The following NUP43 variants were observed in gnomAD, a reference collection of about 807,000 sequenced individuals.
NUP43 encodes nucleoporin Nup43.
A neutral mutation model predicts 47.3 loss-of-function variants in NUP43; 32 were observed. That is an observed-to-expected ratio of 0.68 (90% confidence interval 0.51 to 0.91). The LOEUF (loss-of-function observed/expected upper bound fraction) is 0.91. NUP43 is among the 40% of genes least tolerant of loss of function. NUP43 has a pLI of 0.00. For missense variants in NUP43, 444 were observed against 453.9 expected (o/e 0.98, Z 0.20); for synonymous variants, 147 against 158.4 (o/e 0.93, Z 0.54).
At position 149,738,818 on chromosome 6, in the gene NUP43, CCTTT is replaced by C. The variant is rs1014460508; in HGVS notation, c.503-44_503-41del. The stretch of plus-strand genomic sequence containing the variant: ...AATGGTAGTATGTGTTAATGAGTCC[CCTTT>C]TTTTCCCAAGAAAATCTTAAATCAC... On this transcript the variant is annotated intron_variant, in intron 4 of 7. Transcript: ENST00000340413. 5.4e-6 allele frequency: 7 copies of C among 1,292,740 alleles called. No homozygotes were observed. In the African/African-American group the frequency reaches 6.1e-5, roughly 11 times the overall value. 80.1% of individuals were successfully genotyped at this position (1,292,740 alleles called of 1,614,324 possible). A position where few individuals can be genotyped will look rare whatever the true frequency, so the allele number is the denominator to read the frequency against.
At chr6:149,747,735 T>C (rs1318280317), upstream of NUP43, among the ~76,000 whole-genome samples, 1 of 152,250 alleles carries the variant, frequency 6.6e-6, no homozygotes, top group African/African-American at 2.4e-5. Context: ...ACTATAGGTA[T>C]TCATAACTGT....
chr6:149,745,531 G>A (rs968699961), intron 2 of NUP43, among the ~76,000 whole-genome samples: 2 of 152,122 alleles, frequency 1.3e-5, no homozygotes, highest in African/African-American at 4.8e-5. Context: ...TACTTAGGGA[G>A]TTGTTATGAG....
chr6:149,727,277 T>C, intron 7 of NUP43, 79 bp from the exon 8 acceptor site: 2 of 1,499,474 alleles, frequency 1.3e-6, no homozygotes, highest in Non-Finnish European at 1.8e-6. Flanking sequence ...TACTGATATT[T>C]AGAAAGGTGA....
intron 6 of NUP43, among the ~76,000 whole-genome samples, chr6:149,734,850 G>A (rs1184293683): frequency 6.7e-6 from 1 of 148,426 alleles, no homozygotes; most frequent in Non-Finnish European, 1.5e-5. Flanking sequence ...CAAAGACAGA[G>A]TGAGAAAATG....
intron 7 of NUP43, among the ~76,000 whole-genome samples, chr6:149,730,188 T>C (rs1784962178): frequency 6.6e-6 from 1 of 152,126 alleles, no homozygotes; most frequent in Non-Finnish European, 1.5e-5. Context: ...TTTGTATTTT[T>C]AGTAGAGACG....
intron 4 of NUP43, 143 bp from the exon 5 acceptor site, chr6:149,738,921 T>C: frequency 2.2e-6 from 1 of 446,446 alleles, no homozygotes; most frequent in Non-Finnish European, 3.8e-6. Context: ...AATGCATGGT[T>C]AATGTATATG....
rs776139440 is a variant in NUP43, at chr6:149,738,707, T to C, written c.574A>G (p.Ile192Val). The C allele has an allele frequency of 6.3e-6, 10 of 1,597,022 alleles. No homozygotes were observed. The highest frequency in any genetic ancestry group is 5.2e-5 in the Admixed American group (3 of 57,324). ...AAATCCCATATTTTCAACTGTCCAA[T>C]TGAATTTACAGTAAGAATCTCAGGA... ...RTPEILTVNS[I>V]GQLKIWDFRQ... The change falls in exon 5 of 8, where the codon ATT (isoleucine) becomes GTT (valine). Residue 192 changes from isoleucine to valine, a missense_variant. Transcript: ENST00000340413.
chr6:149,731,060 G>A (rs1047795147), intron 7 of NUP43, among the ~76,000 whole-genome samples: 22 of 152,122 alleles, frequency 1.4e-4, no homozygotes, highest in African/African-American at 5.3e-4. Context: ...TTGAGGCCAG[G>A]AGTTTGAGAC....
At chr6:149,730,513 C>T (rs921437316) in intron 7 of NUP43, among the ~76,000 whole-genome samples, 1 of 152,192 alleles carries the variant, frequency 6.6e-6, no homozygotes, top group African/African-American at 2.4e-5. Context: ...ATCAGCCATA[C>T]AGTAGTAAGT....
chr6:149,736,646 G>T (rs765778273), intron 5 of NUP43, 24 bp from the exon 6 acceptor site: 12 of 1,547,342 alleles, frequency 7.8e-6, no homozygotes, highest in Middle Eastern at 1.7e-4. Context: ...TAACAATGAC[G>T]TCAAAATCAA....
At chr6:149,728,865 T>A (rs566060377) in intron 7 of NUP43, among the ~76,000 whole-genome samples, 1 of 152,348 alleles carries the variant, frequency 6.6e-6, no homozygotes, top group Non-Finnish European at 1.5e-5. Flanking sequence ...AAATGTTCCT[T>A]CTGCCAAGTG....
chr6:149,733,072 T>TC (rs1374791655), intron 6 of NUP43, among the ~76,000 whole-genome samples: 1 of 151,958 alleles, frequency 6.6e-6, no homozygotes, highest in African/African-American at 2.4e-5. Context: ...ACGGAAAAGT[T>TC]TTTTTTTAAA....
At chr6:149,733,234 T>C (rs1455797018) in intron 6 of NUP43, among the ~76,000 whole-genome samples, 1 of 152,172 alleles carries the variant, frequency 6.6e-6, no homozygotes, top group Non-Finnish European at 1.5e-5. Context: ...TGAATACTTC[T>C]GGTCTTTATC....
intron 4 of NUP43, among the ~76,000 whole-genome samples, chr6:149,740,720 G>A (rs9689702): frequency 0.4 from 60,886 of 151,980 alleles, 13,099 homozygotes; most frequent in East Asian, 0.81. Context: ...GTGGTCGACA[G>A]TTAAAAAATT....
chr6:149,733,466 CAG>C (rs1483908817), intron 6 of NUP43, among the ~76,000 whole-genome samples: 5 of 152,138 alleles, frequency 3.3e-5, no homozygotes, highest in Non-Finnish European at 5.9e-5. Flanking sequence ...CTTTTTGAAA[CAG>C]GGTCTTGCTC....
intron 7 of NUP43, chr6:149,727,982 T>A: frequency 1.0e-6 from 1 of 985,394 alleles, no homozygotes; most frequent in Non-Finnish European, 1.2e-6. Context: ...AGTCCCTATG[T>A]CTTGAAGCTT....
rs1784825823 is a variant in NUP43 at position 149,727,141 on chromosome 6, T to C, written c.971A>G (p.Gln324Arg). The change falls in exon 8 of 8, where the codon CAG becomes CGG. Residue 324 changes from glutamine (Q) to arginine (R), a missense_variant. Coordinates refer to ENST00000340413, the MANE Select transcript of NUP43 (RefSeq NM_198887.3). ...HSISNQANVH[Q>R]SVISSWLSTD... ...GCTGAGCCAGGAGCTAATGACAGAC[T>C]GGTGAACATTAGCTTGGTTACTAAT... 1 of 1,614,018 alleles carries C rather than the reference T, an allele frequency of 6.2e-7. No homozygotes were observed. The highest frequency in any genetic ancestry group is 1.7e-5 in the Admixed American group (1 of 59,982).
chr6:149,741,981 C>A (rs563525272), intron 4 of NUP43, among the ~76,000 whole-genome samples: 32 of 152,174 alleles, frequency 2.1e-4, no homozygotes, highest in Middle Eastern at 6.3e-3. Flanking sequence ...GCCTCAGCCT[C>A]CTGAGTAGCT....
At chr6:149,749,239 G>C (rs1283450456), upstream of NUP43, 2 of 153,340 alleles carry the variant, frequency 1.3e-5, no homozygotes, top group Non-Finnish European at 2.9e-5. Flanking sequence ...ACTCGGGTTA[G>C]AGAGGGCCTT....
Sources: gnomAD v4.1 joint callset for allele counts (sites outside exome capture counted in the v4.1 genomes callset) on GRCh38, gnomAD v4.1.1 for gene constraint, MANE v1.5 for transcripts, NCBI Gene and HGNC (gene_info 2026-07-23, HGNC 2026-07-21) for gene names.